The following TCEANC2 variants were observed in gnomAD, a reference collection of about 807,000 sequenced individuals.
TCEANC2 encodes transcription elongation factor A N-terminal and central domain-containing protein 2.
TCEANC2 carries 20 observed loss-of-function variants against 22.8 expected under a neutral mutation model. That is an observed-to-expected ratio of 0.88 (90% CI 0.62 to 1.28). The LOEUF is 1.28. Among genes scored for constraint, TCEANC2 ranks in the 50% most tolerant of loss-of-function variants. The probability of loss-of-function intolerance (pLI) is 0.00; values close to 1 mark genes in which losing one functional copy is unlikely to be tolerated. For missense variants in TCEANC2, 251 were observed against 249.7 expected (o/e 1.01, Z -0.03); for synonymous variants, 84 against 95.5 (o/e 0.88, Z 0.70).
downstream of TCEANC2, among the ~76,000 whole-genome samples, chr1:54,108,445 A>C (rs1299595566): frequency 2.0e-5 from 3 of 152,174 alleles, no homozygotes; most frequent in Non-Finnish European, 4.4e-5. Context: ...TGGTGTCCTT[A>C]TAAGAAGAGA....
rs773982649 is a variant in TCEANC2, at chr1:54,054,473, G to T, written c.51G>T (p.Lys17Asn). 1.2e-6 allele frequency: 2 copies of T among 1,613,918 alleles called. No homozygotes were observed. The highest frequency in any genetic ancestry group is 2.2e-5 in the East Asian group (1 of 44,872). The change falls in exon 2 of 5, where the codon AAG becomes AAT. Residue 17 changes from lysine to asparagine, a missense_variant. Lys to Asn is a moderately conservative substitution (Grantham distance 94). Coordinates refer to ENST00000234827, the MANE Select transcript of TCEANC2 (RefSeq NM_153035.3). ...CTAGAATCCAGAATAGCCCTCAGAA[G>T]AAAGATTCTGGAGGAAAGGTTTACA... is the stretch of plus-strand genomic sequence containing the variant. Reference protein sequence around the residue: ...RTPRIQNSPQKKDSGGKVYKQ... With the variant: ...RTPRIQNSPQNKDSGGKVYKQ...
rs1658738224 is a variant in TCEANC2, at chr1:54,105,598, T to C, written c.*9125T>C. The stretch of plus-strand genomic sequence containing the variant: ...GGCCTATAACATAGCTCTTCCAGTT[T>C]TTGTTAACAATTCTAGAACAGGGGT... On this transcript the variant is annotated 3_prime_UTR_variant, in exon 5 of 5. Transcript: ENST00000234827. 1 of 152,138 alleles carries C rather than the reference T, an allele frequency of 6.6e-6. No homozygotes were observed. The highest frequency in any genetic ancestry group is 1.5e-5 in the Non-Finnish European group (1 of 68,042). 9.4% of individuals were successfully genotyped at this position (152,138 alleles called of 1,614,324 possible). A position where few individuals can be genotyped will look rare whatever the true frequency, so the allele number is the denominator to read the frequency against.
At chr1:54,080,435 T>G (rs905090043) in intron 3 of TCEANC2, among the ~76,000 whole-genome samples, 2 of 152,190 alleles carry the variant, frequency 1.3e-5, no homozygotes, top group Middle Eastern at 3.2e-3. Context: ...CGTGAGCCAC[T>G]GCGCCTGGCT....
chr1:54,069,042 T>C lies in TCEANC2; in HGVS notation c.244+145T>C, dbSNP rs1302985858. 9.5e-6 allele frequency: 9 copies of C among 945,684 alleles called. No individual in the cohort carries two copies. In the South Asian group the frequency reaches 1.3e-4, roughly 13 times the overall value. 58.6% of individuals were successfully genotyped at this position (945,684 alleles called of 1,614,324 possible). ...TAAAGGACTGTTGTTTAAAAAATTA[T>C]CTGTTGGTTGCAGGCCAATACCTTG... On this transcript the variant is annotated intron_variant, in intron 3 of 4. Coordinates refer to ENST00000234827, the MANE Select transcript of TCEANC2 (RefSeq NM_153035.3).
intron 4 of TCEANC2, among the ~76,000 whole-genome samples, chr1:54,095,046 G>A (rs574008897): frequency 3.8e-4 from 58 of 152,328 alleles, no homozygotes; most frequent in Non-Finnish European, 7.2e-4. Context: ...TTGAGAGGCT[G>A]AAGCCAGAAG....
chr1:54,088,857 A>G (rs1570019053), intron 4 of TCEANC2, 67 bp downstream of exon 4: 1 of 1,234,484 alleles, frequency 8.1e-7, no homozygotes, highest in East Asian at 2.9e-5. Flanking sequence ...AAGAAAAATA[A>G]AGGTAATGTC....
At chr1:54,093,374 G>A (rs936958455) in intron 4 of TCEANC2, among the ~76,000 whole-genome samples, 2 of 152,056 alleles carry the variant, frequency 1.3e-5, no homozygotes, top group Non-Finnish European at 2.9e-5. Context: ...TTACAAGACA[G>A]GTATTCTTCA....
At chr1:54,061,894 T>C (rs773037673) in intron 2 of TCEANC2, among the ~76,000 whole-genome samples, 2 of 152,262 alleles carry the variant, frequency 1.3e-5, no homozygotes, top group African/African-American at 2.4e-5. Context: ...AAAGTGATTC[T>C]CAATAGAGCT....
Position 54,099,249 on chromosome 1 carries a change from T to G in TCEANC2, c.*2776T>G, listed in dbSNP as rs1236055682. 1 of 152,234 alleles carries G rather than the reference T, an allele frequency of 6.6e-6. No individual in the cohort carries two copies. The highest frequency in any genetic ancestry group is 2.4e-5 in the African/African-American group (1 of 41,462). The allele number at this position is 152,234 out of a possible 1,614,324, so 9.4% of individuals were successfully genotyped here. A position where few individuals can be genotyped will look rare whatever the true frequency, so the allele number is the denominator to read the frequency against. On this transcript the variant is annotated 3_prime_UTR_variant, in exon 5 of 5. Transcript: ENST00000234827. ...CAGTGGTGATAGTTGGAAAGTAGAATGATTGCAGAGATGTGCTTTGGAGAT... is the reference window on the plus strand; with the variant it reads ...CAGTGGTGATAGTTGGAAAGTAGAAGGATTGCAGAGATGTGCTTTGGAGAT...
chr1:54,059,651 G>A (rs1001628918), intron 2 of TCEANC2, among the ~76,000 whole-genome samples: 1 of 152,184 alleles, frequency 6.6e-6, no homozygotes, highest in African/African-American at 2.4e-5. Flanking sequence ...TTACTGTATT[G>A]TAATTGTCTG....
intron 4 of TCEANC2, among the ~76,000 whole-genome samples, chr1:54,092,225 T>C (rs1231433496): frequency 6.6e-6 from 1 of 152,218 alleles, no homozygotes; most frequent in Non-Finnish European, 1.5e-5. Context: ...AAGACAATCA[T>C]GAATGAGTCG....
At chr1:54,087,627 CA>C (rs1658363162) in intron 3 of TCEANC2, among the ~76,000 whole-genome samples, 1 of 152,192 alleles carries the variant, frequency 6.6e-6, no homozygotes, top group African/African-American at 2.4e-5. Context: ...TTGTTTATCT[CA>C]AAATATCTTT....
At chr1:54,095,469 G>A (rs1658527544) in intron 4 of TCEANC2, among the ~76,000 whole-genome samples, 1 of 152,070 alleles carries the variant, frequency 6.6e-6, no homozygotes, top group Non-Finnish European at 1.5e-5. Flanking sequence ...GGGGGGTCTC[G>A]GATCAGCATC....
Position 54,096,255 on chromosome 1 carries a change from C to A in TCEANC2, c.439-30C>A. 6.3e-7 allele frequency: 1 copy of A among 1,575,646 alleles called. No homozygotes were observed. Among genetic ancestry groups the A allele is most frequent in the Non-Finnish European group, 8.7e-7 (1 of 1,151,228 alleles). ...CTTTTAATCCTTACGCAATGTAAGG[C>A]TCTAATTTGATAATTTTGCTGTTTT... On this transcript the variant is annotated intron_variant, in intron 4 of 4. Transcript: ENST00000234827. This position sits in a 1 kb window ranked among gnomAD's most constrained non-coding sequence, Gnocchi z 4.9.
Position 54,080,894 on chromosome 1 carries a change from G to T in TCEANC2, c.245-7703G>T, listed in dbSNP as rs569082448. Among the ~76,000 whole-genome samples the T allele has an allele frequency of 2.2e-4, 34 of 152,310 alleles. 1 individual carries two copies. The East Asian group carries it at 6.6e-3, about 29-fold the overall frequency. On this transcript the variant is annotated intron_variant, in intron 3 of 4. Transcript: ENST00000234827. ...ATGGAGCAAATAATGACTTTTTGCA[G>T]ATCATTAACTTCCTTGATGTAGCTA...
At chr1:54,073,348 A>G (rs1264438363) in intron 3 of TCEANC2, among the ~76,000 whole-genome samples, 1 of 152,234 alleles carries the variant, frequency 6.6e-6, no homozygotes, top group Non-Finnish European at 1.5e-5. Flanking sequence ...TGTTTCTGCC[A>G]ATAATCAGAG....
At chr1:54,056,542 G>T (rs1488688816) in intron 2 of TCEANC2, among the ~76,000 whole-genome samples, 1 of 151,862 alleles carries the variant, frequency 6.6e-6, no homozygotes, top group Non-Finnish European at 1.5e-5. Context: ...GGCCAGGCTG[G>T]TCTCGAACTC....
At chr1:54,069,287 A>G (rs1033764987) in intron 3 of TCEANC2, among the ~76,000 whole-genome samples, 2 of 152,186 alleles carry the variant, frequency 1.3e-5, no homozygotes, top group African/African-American at 4.8e-5. Context: ...GCAGAAATGG[A>G]TAAGACATGA....
At chr1:54,072,948 T>G (rs1658084536) in intron 3 of TCEANC2, among the ~76,000 whole-genome samples, 1 of 152,108 alleles carries the variant, frequency 6.6e-6, no homozygotes, top group Non-Finnish European at 1.5e-5. Flanking sequence ...AAACTCATTA[T>G]TGTATTTCTA....
Sources: allele counts gnomAD v4.1 joint callset (sites outside exome capture counted in the v4.1 genomes callset), GRCh38; gene constraint gnomAD v4.1.1; non-coding constraint Gnocchi (gnomAD v3.1); transcripts MANE v1.5; gene names NCBI Gene and HGNC (gene_info 2026-07-23, HGNC 2026-07-21).